TENM2: variants seen among roughly 807,000 people sequenced by gnomAD.
TENM2 encodes teneurin transmembrane protein 2.
A neutral mutation model predicts 245.2 loss-of-function variants in TENM2; 52 were observed. That is an observed-to-expected ratio of 0.21 (90% CI 0.17 to 0.27). The LOEUF is 0.27. Among genes scored for constraint, TENM2 ranks in the 10% least tolerant of loss-of-function variants. TENM2 has a pLI of 1.00. For synonymous variants in TENM2, 1,363 were observed against 1,438.9 expected, an observed-to-expected ratio of 0.95 and a Z score of 1.19; for missense variants, 3,046 against 3,666.8, an observed-to-expected ratio of 0.83 and a Z score of 4.37.
chr5:167,435,965 C>CTTTTTTTTTT (rs1284748347), intron 2 of TENM2, among the ~76,000 whole-genome samples: 1 of 125,964 alleles, frequency 7.9e-6, no homozygotes, highest in Non-Finnish European at 1.7e-5. Context: ...ATTTCTTTTT[C>CTTTTTTTTTT]TTTTTTTTTC....
intron 1 of TENM2, among the ~76,000 whole-genome samples, chr5:167,357,369 G>A (rs1281782062): frequency 4.9e-5 from 7 of 143,744 alleles, no homozygotes; most frequent in African/African-American, 7.8e-5. Context: ...TGCAACCTCC[G>A]CCTCCCAGGT....
At position 168,025,579 on chromosome 5, in the gene TENM2, C is replaced by T. The variant is rs115558441; in HGVS notation, c.1187-21848C>T. 8.8e-3 allele frequency among the ~76,000 whole-genome samples: 1,336 copies of T among 152,274 alleles called. 23 individuals carry two copies. The highest frequency in any genetic ancestry group is 0.041 in the Middle Eastern group (12 of 294). Reference sequence around the variant, plus strand: ...AAGTTTAAGTATTAGGTTTATGTGGCTACATTGGGAAATAGGGTAGGATAC... The same window carrying T: ...AAGTTTAAGTATTAGGTTTATGTGGTTACATTGGGAAATAGGGTAGGATAC... On this transcript the variant is annotated intron_variant, in intron 5 of 28. Coordinates refer to ENST00000518659, the Ensembl canonical transcript of TENM2.
At chr5:167,329,157 A>G (rs1026726139) in intron 1 of TENM2, among the ~76,000 whole-genome samples, 1 of 152,176 alleles carries the variant, frequency 6.6e-6, no homozygotes, top group African/African-American at 2.4e-5. Flanking sequence ...CTGGGTAGAT[A>G]GAATTGGGAC....
intron 2 of TENM2, among the ~76,000 whole-genome samples, chr5:167,631,430 C>A (rs1237518919): frequency 6.6e-6 from 1 of 152,066 alleles, no homozygotes; most frequent in Admixed American, 6.6e-5. Flanking sequence ...TAGTATAGAA[C>A]CTGTTGGGCG....
At chr5:168,051,484 C>G (rs1163622649) in intron 6 of TENM2, among the ~76,000 whole-genome samples, 2 of 152,196 alleles carry the variant, frequency 1.3e-5, no homozygotes, top group Non-Finnish European at 2.9e-5. Flanking sequence ...GATGGCCACT[C>G]TGTATCATTG....
rs116796424 is a variant in TENM2 at position 167,421,098 on chromosome 5, G to A, written c.502+45625G>A. On this transcript the variant is annotated intron_variant, in intron 2 of 28. Transcript: ENST00000518659. The stretch of plus-strand genomic sequence containing the variant: ...AAAATTGTAAAGGTGTTTTGAGGTC[G>A]TGGTTAAACAGTAATACGTCTATGC... Among the ~76,000 whole-genome samples, 1,303 of 152,250 alleles carry A rather than the reference G, an allele frequency of 8.6e-3. 12 individuals are homozygous for A. Among genetic ancestry groups the A allele is most frequent in the Non-Finnish European group, 0.015 (1,009 of 68,016 alleles).
chr5:167,946,379 C>T (rs1779623741), intron 3 of TENM2, among the ~76,000 whole-genome samples: 1 of 152,034 alleles, frequency 6.6e-6, no homozygotes, highest in Non-Finnish European at 1.5e-5. Flanking sequence ...AGGGATGCAG[C>T]ACAGTGAAGG....
intron 2 of TENM2, among the ~76,000 whole-genome samples, chr5:167,843,735 T>C (rs190270435): frequency 6.6e-6 from 1 of 152,034 alleles, no homozygotes; most frequent in East Asian, 1.9e-4. Context: ...TCCTCCACTT[T>C]TCTTTTCCAT....
intron 3 of TENM2, among the ~76,000 whole-genome samples, chr5:167,876,875 C>T (rs1773470415): frequency 6.6e-6 from 1 of 152,084 alleles, no homozygotes; most frequent in South Asian, 2.1e-4. Context: ...AAACTGGACC[C>T]AAGATCCTGT....
chr5:167,207,223 C>T, the TENM2 span, among the ~76,000 whole-genome samples: 247 of 152,252 alleles, frequency 1.6e-3, no homozygotes, highest in African/African-American at 5.3e-3. Flanking sequence ...GACTGGGAAC[C>T]TTTGCCTTGA....
At chr5:167,157,214 C>T in the TENM2 span, among the ~76,000 whole-genome samples, 6 of 152,078 alleles carry the variant, frequency 3.9e-5, no homozygotes, top group Non-Finnish European at 8.8e-5. Context: ...TGTTCTTCAG[C>T]GTTTGTGTTT....
the TENM2 span, among the ~76,000 whole-genome samples, chr5:167,210,740 G>A: frequency 6.6e-6 from 1 of 152,114 alleles, no homozygotes; most frequent in Admixed American, 6.5e-5. Flanking sequence ...TGGGATTACA[G>A]GCGTGAGCCA....
chr5:167,567,939 ACAAGGTAGTACT>A (rs1249570277), intron 2 of TENM2, among the ~76,000 whole-genome samples: 2 of 151,080 alleles, frequency 1.3e-5, no homozygotes, highest in Non-Finnish European at 2.9e-5. Flanking sequence ...CATTCTAGGT[ACAAGGTAGTACT>A]CAAAGGAATA....
Position 168,118,494 on chromosome 5 carries a change from C to T in TENM2, c.2008+8C>T, listed in dbSNP as rs551168094. On this transcript the variant is annotated splice_region_variant and intron_variant, in intron 10 of 28. Coordinates refer to ENST00000518659, the Ensembl canonical transcript of TENM2. ...GCGAGCACTGTGAGGAAGGTAAGCC[C>T]GCCGGCCCCGGGGCTAGGCAGCAGT... The T allele has an allele frequency of 2.1e-5, 31 of 1,504,494 alleles. No homozygotes were observed. The African/African-American group carries it at 2.3e-4, about 11-fold the overall frequency. 93.2% of individuals were successfully genotyped at this position (1,504,494 alleles called of 1,614,324 possible). A position where few individuals can be genotyped will look rare whatever the true frequency, so the allele number is the denominator to read the frequency against.
intron 5 of TENM2, among the ~76,000 whole-genome samples, chr5:168,004,061 A>G (rs1784615646): frequency 6.6e-6 from 1 of 152,190 alleles, no homozygotes; most frequent in Non-Finnish European, 1.5e-5. Context: ...GACCATAGCA[A>G]GTTGGGGGTT....
chr5:167,423,249 A>C (rs1763616171), intron 2 of TENM2, among the ~76,000 whole-genome samples: 1 of 152,212 alleles, frequency 6.6e-6, no homozygotes, highest in African/African-American at 2.4e-5. Flanking sequence ...TTTACTCAGC[A>C]AAGTTAGCTG....
chr5:167,017,980 A>G, the TENM2 span, among the ~76,000 whole-genome samples: 2 of 152,194 alleles, frequency 1.3e-5, no homozygotes, highest in East Asian at 1.9e-4. Context: ...ATTTGTCAAC[A>G]TATGATTATC....
chr5:167,254,357 GC>G, the TENM2 span, among the ~76,000 whole-genome samples: 1 of 152,164 alleles, frequency 6.6e-6, no homozygotes, highest in African/African-American at 2.4e-5. Context: ...AGTGCTAAAT[GC>G]CTAGAGAAAG....
intron 3 of TENM2, among the ~76,000 whole-genome samples, chr5:167,930,598 C>T (rs1778201828): frequency 6.6e-6 from 1 of 152,012 alleles, no homozygotes; most frequent in South Asian, 2.1e-4. Context: ...CCTCAGCCTC[C>T]TGAATAGCTA....
Sources: allele counts gnomAD v4.1 joint callset (sites outside exome capture counted in the v4.1 genomes callset), GRCh38; gene constraint gnomAD v4.1.1; transcripts MANE v1.5; gene names NCBI Gene and HGNC (gene_info 2026-07-23, HGNC 2026-07-21).